Variants in PLXNA4 observed in about 807,000 individuals in gnomAD.
PLXNA4 encodes the protein plexin-A4.
PLXNA4 carries 44 observed loss-of-function variants against 191.8 expected under a neutral mutation model. The observed-to-expected ratio is 0.23, with a 90% CI of 0.18 to 0.29. The LOEUF (loss-of-function observed/expected upper bound fraction) is 0.29, where lower values mean the gene tolerates loss of function less well. Ranked by LOEUF, PLXNA4 falls within the 10% of genes least tolerant of loss-of-function variation. The pLI is 1.00. For missense variants in PLXNA4, 1,800 were observed against 2,488.8 expected, an observed-to-expected ratio of 0.72 and a Z score of 5.89; for synonymous variants, 1,082 against 1,009.5, an observed-to-expected ratio of 1.07 and a Z score of -1.36.
intron 1 of PLXNA4, among the ~76,000 whole-genome samples, chr7:132,647,460 C>T (rs1803897565): frequency 6.6e-6 from 1 of 152,098 alleles, no homozygotes; most frequent in Non-Finnish European, 1.5e-5. Flanking sequence ...CTTACATACA[C>T]AGTCACACAT....
intron 20 of PLXNA4, among the ~76,000 whole-genome samples, chr7:132,179,109 ACATACACATACACGTG>A (rs554696632): frequency 0.017 from 2,352 of 138,550 alleles, 51 homozygotes; most frequent in Non-Finnish European, 0.026. Flanking sequence ...TAAATGACAC[ACATACACATACACGTG>A]CGTGCTCACA....
At chr7:132,315,644 G>A (rs761152378) in intron 3 of PLXNA4, among the ~76,000 whole-genome samples, 8 of 152,156 alleles carry the variant, frequency 5.3e-5, no homozygotes, top group Non-Finnish European at 1.5e-5. Flanking sequence ...CGCCCCTCCC[G>A]AGTGAAGCAC....
At chr7:132,638,954 T>C (rs1163908413) in intron 2 of PLXNA4, among the ~76,000 whole-genome samples, 2 of 152,144 alleles carry the variant, frequency 1.3e-5, no homozygotes, top group Non-Finnish European at 2.9e-5. Flanking sequence ...TCTCCAGATA[T>C]TCCTAAGGTC....
At chr7:132,353,675 C>A (rs1329902908) in intron 3 of PLXNA4, among the ~76,000 whole-genome samples, 2 of 152,280 alleles carry the variant, frequency 1.3e-5, no homozygotes, top group East Asian at 3.9e-4. Flanking sequence ...TTCATCCCTG[C>A]ATTAGCTTCC....
At chr7:132,413,101 A>G (rs111674125) in intron 3 of PLXNA4, among the ~76,000 whole-genome samples, 2,130 of 152,264 alleles carry the variant, frequency 0.014, 30 homozygotes, top group South Asian at 0.03. Context: ...CACTGTCTCA[A>G]GCATTAACAC....
intron 4 of PLXNA4, among the ~76,000 whole-genome samples, chr7:132,293,317 G>C (rs73157262): frequency 0.027 from 4,089 of 152,324 alleles, 73 homozygotes; most frequent in Middle Eastern, 0.044. Context: ...TGGACTCAGA[G>C]TTTCATGTGG....
intron 3 of PLXNA4, among the ~76,000 whole-genome samples, chr7:132,299,444 G>A (rs1801225771): frequency 6.6e-6 from 1 of 152,088 alleles, no homozygotes. Context: ...TCCCCCAGAA[G>A]GCTCCCACCT....
chr7:132,314,134 A>T (rs1471318250), intron 3 of PLXNA4, among the ~76,000 whole-genome samples: 1 of 152,182 alleles, frequency 6.6e-6, no homozygotes, highest in Admixed American at 6.5e-5. Context: ...TCTCTGCACC[A>T]TCACCAGGGT....
chr7:132,395,751 T>A (rs1300267400), intron 3 of PLXNA4, among the ~76,000 whole-genome samples: 1 of 152,236 alleles, frequency 6.6e-6, no homozygotes, highest in Non-Finnish European at 1.5e-5. Flanking sequence ...GAAGTCCAGA[T>A]GCAAGTGCAA....
At chr7:132,184,728 G>C (rs891954743) in intron 16 of PLXNA4, among the ~76,000 whole-genome samples, 2 of 130,284 alleles carry the variant, frequency 1.5e-5, no homozygotes, top group Non-Finnish European at 3.1e-5. Context: ...AGTGCATCTG[G>C]CTGGGCACTG....
chr7:132,472,851 T>C (rs774109392), intron 3 of PLXNA4, among the ~76,000 whole-genome samples: 2 of 152,160 alleles, frequency 1.3e-5, no homozygotes, highest in Non-Finnish European at 2.9e-5. Context: ...CTGGGGGGTC[T>C]GGGGCATTAC....
At chr7:132,244,524 C>T (rs531807891) in intron 4 of PLXNA4, among the ~76,000 whole-genome samples, 4 of 152,286 alleles carry the variant, frequency 2.6e-5, no homozygotes, top group African/African-American at 7.2e-5. Flanking sequence ...AGGTTCTCTC[C>T]ACTCTTTTTA....
chr7:132,334,165 C>A (rs1158099030), intron 3 of PLXNA4, among the ~76,000 whole-genome samples: 1 of 151,276 alleles, frequency 6.6e-6, no homozygotes, highest in Non-Finnish European at 1.5e-5. Flanking sequence ...TATTTTTGCA[C>A]AGAGAAGTCT....
intron 3 of PLXNA4, among the ~76,000 whole-genome samples, chr7:132,414,418 C>T (rs1412771009): frequency 1.3e-5 from 2 of 152,066 alleles, no homozygotes; most frequent in African/African-American, 4.8e-5. Context: ...CTAAAGACTT[C>T]CGGAGGGGAA....
At chr7:132,275,116 C>T (rs924286358) in intron 4 of PLXNA4, among the ~76,000 whole-genome samples, 1 of 152,076 alleles carries the variant, frequency 6.6e-6, no homozygotes, top group Non-Finnish European at 1.5e-5. Flanking sequence ...AATTTTGTAT[C>T]CAGTAGTGAC....
chr7:132,283,890 A>G (rs1345466497), intron 4 of PLXNA4, among the ~76,000 whole-genome samples: 1 of 152,244 alleles, frequency 6.6e-6, no homozygotes, highest in African/African-American at 2.4e-5. Context: ...CACTTAACTC[A>G]AGGGCTGGAT....
chr7:132,562,064 CTCCTCCTCTTCCTCCTCCT>C (rs1801172327), intron 1 of PLXNA4, among the ~76,000 whole-genome samples: 1 of 123,586 alleles, frequency 8.1e-6, no homozygotes, highest in African/African-American at 3.6e-5. Flanking sequence ...CCTCCTCCTT[CTCCTCCTCTTCCTCCTCCT>C]CTCCCTCCTC....
chr7:132,393,990 T>C (rs1474663377), intron 3 of PLXNA4, among the ~76,000 whole-genome samples: 1 of 151,898 alleles, frequency 6.6e-6, no homozygotes, highest in Non-Finnish European at 1.5e-5. Context: ...CCCTCTTTTT[T>C]TTTTTTTTTT....
chr7:132,259,242 G>A (rs182829480), intron 4 of PLXNA4, among the ~76,000 whole-genome samples: 3 of 151,884 alleles, frequency 2.0e-5, no homozygotes, highest in Middle Eastern at 3.4e-3. Flanking sequence ...TCTCAGTACA[G>A]CTGGGAATAT....
Sources: gnomAD v4.1 joint callset for allele counts (sites outside exome capture counted in the v4.1 genomes callset) on GRCh38, gnomAD v4.1.1 for gene constraint, MANE v1.5 for transcripts, NCBI Gene and HGNC (gene_info 2026-07-23, HGNC 2026-07-21) for gene names.